TTBK2: variants seen among roughly 807,000 people sequenced by gnomAD.
The protein encoded by TTBK2 is tau-tubulin kinase 2.
TTBK2 carries 28 observed loss-of-function variants against 110.8 expected under a neutral mutation model. That is an observed-to-expected ratio of 0.25 (90% confidence interval 0.19 to 0.35). The LOEUF (loss-of-function observed/expected upper bound fraction) is 0.35. Ranked by LOEUF, TTBK2 falls within the 10% of genes least tolerant of loss-of-function variation. The pLI, the probability that TTBK2 is intolerant of heterozygous loss-of-function variation, is 1.00. For synonymous variants in TTBK2, 532 were observed against 527.3 expected, an observed-to-expected ratio of 1.01 and a Z score of -0.12; for missense variants, 1,369 against 1,500.3, an observed-to-expected ratio of 0.91 and a Z score of 1.45.
Position 42,833,880 on chromosome 15 carries a change from G to A in TTBK2, c.292-3802C>T, listed in dbSNP as rs560249997. Among the ~76,000 whole-genome samples the A allele has an allele frequency of 4.9e-4, 75 of 152,092 alleles. 1 individual carries two copies. The highest frequency in any genetic ancestry group is 2.7e-3 in the Admixed American group (41 of 15,266). ...AAAATTAGCTGGGCGTGTTGGCAGC[G>A]CGTGCCTGTAGTCCAGGCTACTCGG... On this transcript the variant is annotated intron_variant, in intron 4 of 14. Coordinates refer to ENST00000267890, the MANE Select transcript of TTBK2 (RefSeq NM_173500.4).
chr15:42,825,699 A>G (rs1336019972), intron 6 of TTBK2, among the ~76,000 whole-genome samples: 1 of 152,208 alleles, frequency 6.6e-6, no homozygotes, highest in East Asian at 1.9e-4. Context: ...TGGGCGACAG[A>G]GCGAGACTCC....
intron 9 of TTBK2, chr15:42,802,497 T>C: frequency 1.9e-6 from 1 of 528,610 alleles, no homozygotes; most frequent in South Asian, 2.3e-5. Flanking sequence ...TTCTCTGCTC[T>C]TCTTGGGGAT....
chr15:42,774,770 A>G (rs1889827316), intron 13 of TTBK2, among the ~76,000 whole-genome samples: 1 of 152,248 alleles, frequency 6.6e-6, no homozygotes, highest in Non-Finnish European at 1.5e-5. Flanking sequence ...AGAACAAACC[A>G]TGAAGGGTTA....
intron 1 of TTBK2, among the ~76,000 whole-genome samples, chr15:42,895,509 G>GA (rs1258535458): frequency 6.1e-5 from 9 of 147,860 alleles, no homozygotes; most frequent in African/African-American, 2.0e-4. Context: ...AAGTTAGAAA[G>GA]AAAAAAAATA....
At chr15:42,809,925 G>A (rs1022272103) in intron 9 of TTBK2, among the ~76,000 whole-genome samples, 11 of 152,164 alleles carry the variant, frequency 7.2e-5, no homozygotes, top group African/African-American at 2.2e-4. Context: ...ATGCAGTAAA[G>A]TCTATGTATT....
rs183146681 is a variant in TTBK2 at position 42,872,684 on chromosome 15, T to G, written c.144A>C (p.Ala48=). 104 of 1,614,182 alleles carry G rather than the reference T, an allele frequency of 6.4e-5. No homozygotes were observed. The African/African-American group carries it at 1.1e-3, about 18-fold the overall frequency. Reference sequence around the variant, plus strand: ...GTTGTTGAGCTGATTCCACCTTCAGTGCAACATTTTCCCTGGTGAGCATGT... The same window carrying G: ...GTTGTTGAGCTGATTCCACCTTCAGGGCAACATTTTCCCTGGTGAGCATGT... The part of the protein sequence containing the change: ...ALDMLTRENV[A]LKVESAQQPK... Residue 48 remains alanine, a synonymous_variant, in exon 3 of 15, where the codon GCA becomes GCC. Transcript: ENST00000267890.
At chr15:42,915,200 G>A (rs1361422676) in intron 1 of TTBK2, among the ~76,000 whole-genome samples, 1 of 152,192 alleles carries the variant, frequency 6.6e-6, no homozygotes, top group Non-Finnish European at 1.5e-5. Flanking sequence ...ATTGTTTTGA[G>A]TATGGTGATG....
At chr15:42,762,862 A>G (rs2062050287) in intron 13 of TTBK2, among the ~76,000 whole-genome samples, 1 of 151,912 alleles carries the variant, frequency 6.6e-6, no homozygotes, top group Admixed American at 6.6e-5. Context: ...TAAGCCAGGC[A>G]AAGAAAGACA....
At chr15:42,895,068 TAATA>T (rs1398029405) in intron 1 of TTBK2, among the ~76,000 whole-genome samples, 2 of 152,130 alleles carry the variant, frequency 1.3e-5, no homozygotes, top group Non-Finnish European at 2.9e-5. Context: ...TTTCTAAACC[TAATA>T]AAAGGCATCT....
At chr15:42,862,617 G>A (rs890167216) in intron 3 of TTBK2, among the ~76,000 whole-genome samples, 2 of 152,068 alleles carry the variant, frequency 1.3e-5, no homozygotes, top group Non-Finnish European at 2.9e-5. Context: ...GGCCAGGCGC[G>A]GTGGCTCACA....
At chr15:42,794,954 T>C (rs1890869840) in intron 9 of TTBK2, 153 bp from the exon 10 acceptor site, 2 of 840,774 alleles carry the variant, frequency 2.4e-6, no homozygotes, top group African/African-American at 3.4e-5. Flanking sequence ...ATAGGAACTA[T>C]ATGTAGATGA....
intron 1 of TTBK2, among the ~76,000 whole-genome samples, chr15:42,882,023 A>C (rs1176242508): frequency 6.6e-6 from 1 of 152,192 alleles, no homozygotes; most frequent in Non-Finnish European, 1.5e-5. Context: ...GTGAAGATAA[A>C]ATATTTTTAT....
chr15:42,761,887 T>C (rs1439479691), intron 13 of TTBK2, among the ~76,000 whole-genome samples: 2 of 152,220 alleles, frequency 1.3e-5, no homozygotes, highest in Non-Finnish European at 1.5e-5. Context: ...AAATCTCATC[T>C]TGAATTCCCA....
intron 9 of TTBK2, among the ~76,000 whole-genome samples, chr15:42,796,453 A>G (rs1240517128): frequency 6.6e-6 from 1 of 152,170 alleles, no homozygotes; most frequent in Non-Finnish European, 1.5e-5. Context: ...ACCAGCTGGT[A>G]TTATTGAGGA....
rs1328435730 is a variant in TTBK2, at chr15:42,815,952, A to ATATAT, written c.603+1079_603+1080insATATA. Among the ~76,000 whole-genome samples, 55 of 33,412 alleles carry ATATAT rather than the reference A, an allele frequency of 1.6e-3. 2 individuals are homozygous for ATATAT. Among genetic ancestry groups the ATATAT allele is most frequent in the African/African-American group, 8.3e-3 (42 of 5,060 alleles). The allele number at this position is 33,412 out of a possible 152,430, so 21.9% of individuals were successfully genotyped here. On this transcript the variant is annotated intron_variant, in intron 7 of 14. Coordinates refer to ENST00000267890, the MANE Select transcript of TTBK2 (RefSeq NM_173500.4). Reference sequence around the variant, plus strand: ...TAAAAATATATATATATATATTTAAAAAAAAAATATATATATATATATATA... The same window carrying ATATAT: ...TAAAAATATATATATATATATTTAAATATATAAAAAAATATATATATATATATATA...
At chr15:42,917,905 T>A (rs1003300785) in intron 1 of TTBK2, among the ~76,000 whole-genome samples, 17 of 152,146 alleles carry the variant, frequency 1.1e-4, no homozygotes, top group African/African-American at 4.1e-4. Context: ...TTGCTATATA[T>A]TTGTAAAAGA....
chr15:42,872,505 G>T, intron 3 of TTBK2, 106 bp downstream of exon 3: 1 of 1,335,744 alleles, frequency 7.5e-7, no homozygotes, highest in Non-Finnish European at 1.0e-6. Flanking sequence ...GCTGACACCA[G>T]TACATTCAAT....
intron 3 of TTBK2, among the ~76,000 whole-genome samples, chr15:42,840,980 T>C (rs1027825588): frequency 6.6e-6 from 1 of 152,080 alleles, no homozygotes; most frequent in African/African-American, 2.4e-5. Flanking sequence ...AGCAGAAATC[T>C]CATTAAAGAA....
chr15:42,886,375 T>A (rs1895247485), intron 1 of TTBK2, among the ~76,000 whole-genome samples: 2 of 152,198 alleles, frequency 1.3e-5, no homozygotes, highest in African/African-American at 4.8e-5. Flanking sequence ...GCTAAAGGCA[T>A]ACTCAAGGTT....
Sources: gnomAD v4.1 joint callset for allele counts (sites outside exome capture counted in the v4.1 genomes callset) on GRCh38, gnomAD v4.1.1 for gene constraint, MANE v1.5 for transcripts, NCBI Gene and HGNC (gene_info 2026-07-23, HGNC 2026-07-21) for gene names.